The following AGO2 variants were observed in gnomAD, a reference collection of about 807,000 sequenced individuals.
AGO2 encodes the protein argonaute RISC catalytic component 2.
AGO2 carries 5 observed loss-of-function variants against 102.3 expected under a neutral mutation model. That is an observed-to-expected ratio of 0.05 (90% CI 0.03 to 0.10). The LOEUF (loss-of-function observed/expected upper bound fraction) is 0.10, where lower values mean the gene tolerates loss of function less well. Among genes scored for constraint, AGO2 ranks in the 10% least tolerant of loss-of-function variants. The pLI is 1.00. For missense variants in AGO2, 541 were observed against 1,183.7 expected (o/e 0.46, Z 7.97); for synonymous variants, 449 against 473.1 (o/e 0.95, Z 0.66).
chr8:140,546,323 C>T (rs1183393516), intron 13 of AGO2, among the ~76,000 whole-genome samples: 1 of 152,226 alleles, frequency 6.6e-6, no homozygotes, highest in Non-Finnish European at 1.5e-5. Flanking sequence ...CCTGGTCCCC[C>T]ATGTGGCAGC....
chr8:140,566,653 A>C (rs2073291766), intron 3 of AGO2, among the ~76,000 whole-genome samples: 1 of 150,494 alleles, frequency 6.6e-6, no homozygotes, highest in Non-Finnish European at 1.5e-5. Context: ...TCAGTTAAAG[A>C]AACAGATCTG....
At chr8:140,586,592 G>A (rs2073660057) in intron 1 of AGO2, among the ~76,000 whole-genome samples, 2 of 152,316 alleles carry the variant, frequency 1.3e-5, no homozygotes, top group South Asian at 2.1e-4. Flanking sequence ...GACGTCTGAT[G>A]ACTTTTCATA....
intron 1 of AGO2, among the ~76,000 whole-genome samples, chr8:140,624,577 C>A (rs2074252508): frequency 6.6e-6 from 1 of 152,246 alleles, no homozygotes; most frequent in African/African-American, 2.4e-5. Context: ...GCGTCCCCAA[C>A]TAACAGCAAG....
At chr8:140,578,433 T>C (rs1416733531) in intron 2 of AGO2, among the ~76,000 whole-genome samples, 1 of 152,212 alleles carries the variant, frequency 6.6e-6, no homozygotes, top group African/African-American at 2.4e-5. Flanking sequence ...AAACTGTACC[T>C]GTGAGGCACT....
Position 140,635,554 on chromosome 8 carries a change from G to A in AGO2, c.-48C>T, listed in dbSNP as rs2074397746. ...GGGGCCGAGGGGCGGCCGCGCGCGC[G>A]CCACGGGCCCCGACGCCGCGAGCCG... On this transcript the variant is annotated 5_prime_UTR_variant, in exon 1 of 19. Coordinates refer to ENST00000220592, the MANE Select transcript of AGO2 (RefSeq NM_012154.5). 2 of 975,890 alleles carry A rather than the reference G, an allele frequency of 2.0e-6. No homozygotes were observed. The highest frequency in any genetic ancestry group is 6.4e-5 in the Admixed American group (1 of 15,652). 60.5% of individuals were successfully genotyped at this position (975,890 alleles called of 1,614,324 possible).
intron 1 of AGO2, among the ~76,000 whole-genome samples, chr8:140,605,105 C>T (rs1463947132): frequency 2.0e-5 from 3 of 151,768 alleles, no homozygotes; most frequent in Admixed American, 6.6e-5. Flanking sequence ...AGTTTTTTTT[C>T]TTCTTTTTGA....
chr8:140,593,451 CA>C (rs1161963948), intron 1 of AGO2, among the ~76,000 whole-genome samples: 1 of 151,658 alleles, frequency 6.6e-6, no homozygotes, highest in Non-Finnish European at 1.5e-5. Flanking sequence ...CTCGGCCTCC[CA>C]AAGTGCTGGG....
intron 13 of AGO2, among the ~76,000 whole-genome samples, chr8:140,546,447 T>TGA (rs2072902574): frequency 6.6e-6 from 1 of 152,184 alleles, no homozygotes; most frequent in South Asian, 2.1e-4. Context: ...TGCTCAGGTG[T>TGA]GAGGACACTG....
chr8:140,539,822 C>T lies in AGO2; in HGVS notation c.2035-368G>A, dbSNP rs142552360. 2.3e-3 allele frequency among the ~76,000 whole-genome samples: 356 copies of T among 152,352 alleles called. 4 individuals are homozygous for T. The highest frequency in any genetic ancestry group is 8.2e-3 in the African/African-American group (341 of 41,580). On this transcript the variant is annotated intron_variant, in intron 15 of 18. Coordinates refer to ENST00000220592, the MANE Select transcript of AGO2 (RefSeq NM_012154.5). This position sits in a 1 kb window ranked among gnomAD's most constrained non-coding sequence, Gnocchi z 4.7. ...GCAGGCTTTGGGCTGGGCGCAGTGG[C>T]TCATGCCTGTAATCCCAGGACTTTG...
chr8:140,525,015 G>A lies in AGO2; in HGVS notation c.*7029C>T, dbSNP rs1220983931. 1 of 152,206 alleles carries A rather than the reference G, an allele frequency of 6.6e-6. No homozygotes were observed. The allele number at this position is 152,206 out of a possible 1,614,324, so 9.4% of individuals were successfully genotyped here. A position where few individuals can be genotyped will look rare whatever the true frequency, so the allele number is the denominator to read the frequency against. ...TTAAATCCAAGGAGGTTTTAAATAG[G>A]AGATAACTCAGCCTCTTCCTACCCC... is the stretch of plus-strand genomic sequence containing the variant. On this transcript the variant is annotated 3_prime_UTR_variant, in exon 19 of 19. Transcript: ENST00000220592.
rs151078958 is a variant in AGO2, at chr8:140,539,765, A to G, written c.2035-311T>C. The stretch of plus-strand genomic sequence containing the variant: ...GCTGGGCTCTGCGCTGAGAAGGCAC[A>G]TGCAGAGGCCAAGCTCCTGCAGAAG... On this transcript the variant is annotated intron_variant, in intron 15 of 18. Coordinates refer to ENST00000220592, the MANE Select transcript of AGO2 (RefSeq NM_012154.5). The surrounding 1 kb of genome is among the most constrained non-coding windows in gnomAD (Gnocchi z 4.7). Among the ~76,000 whole-genome samples the G allele has an allele frequency of 7.2e-5, 11 of 152,348 alleles. No homozygotes were observed. Among genetic ancestry groups the G allele is most frequent in the Admixed American group, 1.3e-4 (2 of 15,306 alleles).
intron 13 of AGO2, 134 bp downstream of exon 13, chr8:140,547,334 C>G: frequency 2.6e-6 from 3 of 1,153,226 alleles, no homozygotes; most frequent in Non-Finnish European, 3.6e-6. Context: ...CATCTTTGCT[C>G]TGCTGTGGCC....
chr8:140,573,763 A>C (rs1267054088), intron 2 of AGO2, among the ~76,000 whole-genome samples: 1 of 152,224 alleles, frequency 6.6e-6, no homozygotes, highest in Non-Finnish European at 1.5e-5. Flanking sequence ...ATGCCTCTGC[A>C]CAGCTACCCA....
At chr8:140,587,761 C>T (rs910024884) in intron 1 of AGO2, among the ~76,000 whole-genome samples, 5 of 152,202 alleles carry the variant, frequency 3.3e-5, no homozygotes, top group Admixed American at 6.5e-5. Flanking sequence ...ACATTTGACA[C>T]GGATGGTTCC....
At chr8:140,533,096 A>G (rs901598514) in intron 17 of AGO2, among the ~76,000 whole-genome samples, 1 of 151,698 alleles carries the variant, frequency 6.6e-6, no homozygotes, top group Non-Finnish European at 1.5e-5. Flanking sequence ...ATCATATCAA[A>G]GATATAAAGC....
intron 1 of AGO2, among the ~76,000 whole-genome samples, chr8:140,586,728 C>G (rs569341385): frequency 6.6e-6 from 1 of 152,220 alleles, no homozygotes; most frequent in Non-Finnish European, 1.5e-5. Context: ...CTTCTCTCTA[C>G]GCCACACCGG....
At chr8:140,603,491 C>A (rs1340185365) in intron 1 of AGO2, among the ~76,000 whole-genome samples, 1 of 152,220 alleles carries the variant, frequency 6.6e-6, no homozygotes, top group Non-Finnish European at 1.5e-5. Flanking sequence ...ACCTTCGTCA[C>A]CCCCAAAAGA....
chr8:140,549,076 G>A (rs754386774), intron 12 of AGO2, 38 bp downstream of exon 12: 11 of 1,563,024 alleles, frequency 7.0e-6, no homozygotes, highest in African/African-American at 2.7e-5. Context: ...CGGAGACCAC[G>A]ACGGCTCCCC....
Position 140,528,573 on chromosome 8 carries a change from T to G in AGO2, c.*3471A>C, listed in dbSNP as rs1157375777. ...TACAATGGTCACGCATCGTTTGTGG[T>G]TCTAGAGTGCAAACATTCATTCAAA... On this transcript the variant is annotated 3_prime_UTR_variant, in exon 19 of 19. Transcript: ENST00000220592. This position sits in a 1 kb window ranked among gnomAD's most constrained non-coding sequence, Gnocchi z 4.5. 1 of 152,132 alleles carries G rather than the reference T, an allele frequency of 6.6e-6. No homozygotes were observed. The highest frequency in any genetic ancestry group is 1.5e-5 in the Non-Finnish European group (1 of 68,024). 9.4% of individuals were successfully genotyped at this position (152,132 alleles called of 1,614,324 possible).
Sources: gnomAD v4.1 joint callset for allele counts (sites outside exome capture counted in the v4.1 genomes callset) on GRCh38, gnomAD v4.1.1 for gene constraint, Gnocchi (gnomAD v3.1) non-coding constraint, MANE v1.5 for transcripts, NCBI Gene and HGNC (gene_info 2026-07-23, HGNC 2026-07-21) for gene names.